The following C12orf42 variants were observed in gnomAD, a reference collection of about 807,000 sequenced individuals.
The protein encoded by C12orf42 is chromosome 12 open reading frame 42, also known as uncharacterized protein C12orf42.
In C12orf42, 25 loss-of-function variants were observed where a neutral mutation model predicts 21.6. The ratio of observed to expected loss-of-function variants is 1.16; its 90% CI spans 0.84 to 1.62. The LOEUF is 1.62. Among genes scored for constraint, C12orf42 ranks in the 40% most tolerant of loss-of-function variants. The pLI is 0.00. For synonymous variants in C12orf42, 174 were observed against 175.0 expected (o/e 0.99, Z 0.05); for missense variants, 483 against 459.3 (o/e 1.05, Z -0.47).
At chr12:103,251,422 A>G (rs1056047939) in intron 10 of C12orf42, among the ~76,000 whole-genome samples, 16 of 152,192 alleles carry the variant, frequency 1.1e-4, no homozygotes, top group Middle Eastern at 3.2e-3. Flanking sequence ...TCCAATTTCT[A>G]TAATACATTC....
chr12:103,286,044 C>G (rs1181647452), intron 4 of C12orf42, among the ~76,000 whole-genome samples: 1 of 151,890 alleles, frequency 6.6e-6, no homozygotes, highest in African/African-American at 2.4e-5. Flanking sequence ...GTCAGGAGAT[C>G]GGGACCATTC....
chr12:103,098,399 C>T, the C12orf42 span, among the ~76,000 whole-genome samples: 5 of 152,142 alleles, frequency 3.3e-5, no homozygotes, highest in African/African-American at 1.2e-4. Context: ...CTCTTACAAA[C>T]AAATGACATT....
intron 10 of C12orf42, among the ~76,000 whole-genome samples, chr12:103,238,657 C>G (rs936734120): frequency 6.6e-6 from 1 of 152,198 alleles, no homozygotes; most frequent in African/African-American, 2.4e-5. Flanking sequence ...CTTCCAGGAG[C>G]TCTGTCCATC....
rs184102557 is a variant in C12orf42, at chr12:103,320,024, C to T, written c.260-13679G>A. 7.2e-5 allele frequency among the ~76,000 whole-genome samples: 11 copies of T among 152,218 alleles called. No individual in the cohort carries two copies. The East Asian group carries it at 1.4e-3, about 19-fold the overall frequency. On this transcript the variant is annotated intron_variant, in intron 4 of 5. Coordinates refer to ENST00000548883, the MANE Select transcript of C12orf42 (RefSeq NM_198521.5). ...ACATGTGGCCTTGTGCAAAGGTCACCGGTATGGCACATCCATCATATTTCA... is the reference window on the plus strand; with the variant it reads ...ACATGTGGCCTTGTGCAAAGGTCACTGGTATGGCACATCCATCATATTTCA...
At chr12:103,228,295 C>T in the C12orf42 span, among the ~76,000 whole-genome samples, 1 of 151,544 alleles carries the variant, frequency 6.6e-6, no homozygotes, top group South Asian at 2.1e-4. Flanking sequence ...CTCTGGCGGG[C>T]AGGAGTGGGG....
chr12:103,434,715 C>T (rs574139810), intron 2 of C12orf42, among the ~76,000 whole-genome samples: 3 of 152,340 alleles, frequency 2.0e-5, no homozygotes, highest in East Asian at 1.9e-4. Flanking sequence ...CACCGCACCA[C>T]GAGATTATAT....
the C12orf42 span, among the ~76,000 whole-genome samples, chr12:103,135,395 T>C: frequency 6.6e-6 from 1 of 151,412 alleles, no homozygotes; most frequent in Non-Finnish European, 1.5e-5. Flanking sequence ...AAGCGGAGGT[T>C]GCAGTGAGCC....
intron 4 of C12orf42, among the ~76,000 whole-genome samples, chr12:103,340,616 A>G (rs888738457): frequency 2.0e-5 from 3 of 152,254 alleles, no homozygotes; most frequent in African/African-American, 7.2e-5. Flanking sequence ...CCATCTAATC[A>G]GTTCTTACCA....
intron 4 of C12orf42, among the ~76,000 whole-genome samples, chr12:103,337,637 CCA>C: frequency 6.6e-6 from 1 of 152,284 alleles, no homozygotes; most frequent in East Asian, 1.9e-4. Context: ...CAGGTGTGAG[CCA>C]CCATGCCCGG....
the C12orf42 span, among the ~76,000 whole-genome samples, chr12:103,055,870 T>C: frequency 1.1e-3 from 163 of 152,208 alleles, no homozygotes; most frequent in African/African-American, 3.6e-3. Flanking sequence ...TGTCATTGAT[T>C]TCCAGTTTAA....
chr12:103,139,122 T>C, the C12orf42 span, among the ~76,000 whole-genome samples: 1 of 152,294 alleles, frequency 6.6e-6, no homozygotes, highest in South Asian at 2.1e-4. Context: ...AAAGAAATAA[T>C]ACCAAAGTGG....
chr12:103,244,017 CA>C (rs1407355763), intron 10 of C12orf42, among the ~76,000 whole-genome samples: 1 of 152,048 alleles, frequency 6.6e-6, no homozygotes, highest in Non-Finnish European at 1.5e-5. Context: ...TTAAATTTTC[CA>C]AGGTTGATTC....
the C12orf42 span, among the ~76,000 whole-genome samples, chr12:103,054,867 G>A: frequency 6.6e-6 from 1 of 151,758 alleles, no homozygotes; most frequent in Non-Finnish European, 1.5e-5. Flanking sequence ...AATAATTTGG[G>A]GTTATACTGC....
intron 2 of C12orf42, among the ~76,000 whole-genome samples, chr12:103,426,524 T>C (rs1286383301): frequency 1.3e-5 from 2 of 152,128 alleles, no homozygotes; most frequent in African/African-American, 2.4e-5. Flanking sequence ...TGGAACCAAA[T>C]TGGAAGACAC....
At chr12:103,497,887 T>C (rs1186031796), upstream of C12orf42, among the ~76,000 whole-genome samples, 1 of 152,018 alleles carries the variant, frequency 6.6e-6, no homozygotes, top group Non-Finnish European at 1.5e-5. Context: ...TAAAAAAAAT[T>C]AGCCGGGTGT....
At chr12:103,460,443 G>A (rs1952621707) in intron 2 of C12orf42, among the ~76,000 whole-genome samples, 1 of 152,214 alleles carries the variant, frequency 6.6e-6, no homozygotes, top group Non-Finnish European at 1.5e-5. Context: ...CAGTCCAGCT[G>A]TGTGCACAGG....
intron 2 of C12orf42, among the ~76,000 whole-genome samples, chr12:103,474,441 C>CATGTATGTATGT (rs145268587): frequency 2.2e-4 from 32 of 144,284 alleles, no homozygotes; most frequent in Admixed American, 6.1e-4. Flanking sequence ...TGTATGTATA[C>CATGTATGTATGT]ATGTATGTAT....
At chr12:103,247,953 T>A (rs1431194058) in intron 10 of C12orf42, among the ~76,000 whole-genome samples, 4 of 152,038 alleles carry the variant, frequency 2.6e-5, no homozygotes, top group African/African-American at 9.7e-5. Context: ...TAGGCACTCT[T>A]ATTATGCCTA....
chr12:103,317,482 G>A (rs774761038), intron 4 of C12orf42, among the ~76,000 whole-genome samples: 6 of 152,166 alleles, frequency 3.9e-5, no homozygotes, highest in Non-Finnish European at 8.8e-5. Flanking sequence ...ATATTGGAAT[G>A]TTTTATTTTT....
Sources: gnomAD v4.1 joint callset for allele counts (sites outside exome capture counted in the v4.1 genomes callset) on GRCh38, gnomAD v4.1.1 for gene constraint, MANE v1.5 for transcripts, NCBI Gene and HGNC (gene_info 2026-07-23, HGNC 2026-07-21) for gene names.